Variants in EYS observed in about 807,000 individuals in gnomAD.
EYS encodes the protein EGF-like photoreceptor maintenance factor, also known as protein eyes shut homolog.
A neutral mutation model predicts 282.1 loss-of-function variants in EYS; 250 were observed. The ratio of observed to expected loss-of-function variants is 0.89; its 90% confidence interval spans 0.80 to 0.98. The LOEUF is 0.98. Ranked by LOEUF, EYS falls within the 50% of genes least tolerant of loss-of-function variation. The pLI is 0.00. For synonymous variants in EYS, 1,355 were observed against 1,282.9 expected (o/e 1.06, Z -1.20); for missense variants, 4,016 against 3,709.0 (o/e 1.08, Z -2.15).
chr6:64,297,260 C>G (rs948409261), intron 30 of EYS, among the ~76,000 whole-genome samples: 1 of 152,070 alleles, frequency 6.6e-6, no homozygotes, highest in East Asian at 1.9e-4. Flanking sequence ...TTACTCCCCA[C>G]CACCTTGAAC....
chr6:65,236,842 C>T (rs1457903524), intron 12 of EYS, among the ~76,000 whole-genome samples: 2 of 152,096 alleles, frequency 1.3e-5, no homozygotes, highest in Non-Finnish European at 1.5e-5. Context: ...TCATCTTTGC[C>T]TGATGCAAGC....
In EYS at chr6:64,274,481, G is replaced by GTT. The variant is rs10640761; in HGVS notation, c.6191+32487_6191+32488dup. Among the ~76,000 whole-genome samples, 75 of 92,224 alleles carry GTT rather than the reference G, an allele frequency of 8.1e-4. 8 individuals are homozygous for GTT. The highest frequency in any genetic ancestry group is 2.1e-3 in the South Asian group (5 of 2,352). The allele number at this position is 92,224 out of a possible 152,430, so 60.5% of individuals were successfully genotyped here. A position where few individuals can be genotyped will look rare whatever the true frequency, so the allele number is the denominator to read the frequency against. ...CAGGCGCGAGCCACCACGCCTGGCC[G>GTT]TTTTTTTTTTTTTTTTTTTTTTACA... On this transcript the variant is annotated intron_variant, in intron 30 of 42. Coordinates refer to ENST00000503581, the MANE Select transcript of EYS (RefSeq NM_001142800.2).
intron 2 of EYS, among the ~76,000 whole-genome samples, chr6:65,556,294 G>T (rs1221225713): frequency 1.3e-5 from 2 of 152,046 alleles, no homozygotes; most frequent in East Asian, 3.9e-4. Context: ...AACATAGAAA[G>T]ACCCCATTTA....
intron 14 of EYS, among the ~76,000 whole-genome samples, chr6:64,949,393 T>C (rs1356753432): frequency 6.6e-6 from 1 of 151,514 alleles, no homozygotes; most frequent in Non-Finnish European, 1.5e-5. Flanking sequence ...TCTCATTTTC[T>C]TGCTAGCTAC....
chr6:64,447,221 A>C (rs1231084521), intron 26 of EYS, among the ~76,000 whole-genome samples: 1 of 141,050 alleles, frequency 7.1e-6, no homozygotes, highest in Non-Finnish European at 1.5e-5. Flanking sequence ...TATTTCTCTA[A>C]AGAAGAGCTT....
intron 22 of EYS, among the ~76,000 whole-genome samples, chr6:64,635,402 G>C (rs1344570761): frequency 6.6e-6 from 1 of 152,148 alleles, no homozygotes; most frequent in Admixed American, 6.5e-5. Flanking sequence ...TCTTGTGCCG[G>C]TTTTCAAAGG....
At chr6:63,860,779 G>A (rs1384547934) in intron 36 of EYS, among the ~76,000 whole-genome samples, 1 of 152,184 alleles carries the variant, frequency 6.6e-6, no homozygotes, top group Non-Finnish European at 1.5e-5. Context: ...ACATCTATGG[G>A]CTGAGAGATG....
intron 12 of EYS, among the ~76,000 whole-genome samples, chr6:65,180,977 A>G (rs996755242): frequency 6.6e-6 from 1 of 152,154 alleles, no homozygotes; most frequent in African/African-American, 2.4e-5. Flanking sequence ...TATTTAATAA[A>G]TGGTGCCGGG....
intron 2 of EYS, among the ~76,000 whole-genome samples, chr6:65,517,673 A>C (rs1424823117): frequency 6.6e-6 from 1 of 152,118 alleles, no homozygotes; most frequent in Non-Finnish European, 1.5e-5. Context: ...ACACTTGGAA[A>C]TTAACATTTA....
rs1460764511 is a variant in EYS, at chr6:65,426,994, A to G, written c.863-21627T>C. On this transcript the variant is annotated intron_variant, in intron 5 of 42. Transcript: ENST00000503581. ...TATTTTCTTTTAGGTTTAATTTTGG[A>G]ATGTGTGTGTTGTATATCTGTATGT... Among the ~76,000 whole-genome samples, 8 of 151,940 alleles carry G rather than the reference A, an allele frequency of 5.3e-5. 1 individual carries two copies. Among genetic ancestry groups the G allele is most frequent in the African/African-American group, 1.9e-4 (8 of 41,404 alleles).
chr6:64,392,645 TA>T (rs900379342), intron 28 of EYS, among the ~76,000 whole-genome samples: 7 of 150,982 alleles, frequency 4.6e-5, no homozygotes, highest in Non-Finnish European at 8.8e-5. Context: ...GAGGGAAATT[TA>T]TAGCACTAAA....
At chr6:63,799,923 G>T (rs138094910) in intron 37 of EYS, among the ~76,000 whole-genome samples, 2 of 152,228 alleles carry the variant, frequency 1.3e-5, no homozygotes, top group Non-Finnish European at 2.9e-5. Context: ...ACGGTGGACT[G>T]AACGAGAGCG....
chr6:65,624,836 C>T (rs1766640957), intron 2 of EYS, among the ~76,000 whole-genome samples: 1 of 152,202 alleles, frequency 6.6e-6, no homozygotes, highest in Admixed American at 6.5e-5. Context: ...AAAGATTGCA[C>T]TGTTGGCTTC....
At chr6:64,199,532 C>CT (rs1765398322) in intron 31 of EYS, among the ~76,000 whole-genome samples, 1 of 152,138 alleles carries the variant, frequency 6.6e-6, no homozygotes, top group African/African-American at 2.4e-5. Flanking sequence ...GACTTCATGA[C>CT]TAAAACACCA....
At chr6:65,390,209 A>G (rs1031375847) in intron 7 of EYS, among the ~76,000 whole-genome samples, 8 of 151,754 alleles carry the variant, frequency 5.3e-5, no homozygotes, top group Non-Finnish European at 1.0e-4. Context: ...TTAAACAACC[A>G]AAGTGAGTGG....
intron 22 of EYS, among the ~76,000 whole-genome samples, chr6:64,676,132 G>C (rs959359010): frequency 7.0e-6 from 1 of 143,378 alleles, no homozygotes; most frequent in Non-Finnish European, 1.5e-5. Flanking sequence ...ACATGTCTAA[G>C]ACTTTCATAT....
chr6:65,490,011 A>T (rs1337142163), intron 5 of EYS: 1 of 152,318 alleles, frequency 6.6e-6, no homozygotes, highest in Non-Finnish European at 1.5e-5. Flanking sequence ...TAGCATTAGG[A>T]GAAATACCTA....
At chr6:65,300,977 CT>C (rs1473813319) in intron 11 of EYS, 1 of 152,238 alleles carries the variant, frequency 6.6e-6, no homozygotes, top group East Asian at 1.9e-4. Flanking sequence ...AGGAGTTTAA[CT>C]GTGTGCTCAT....
chr6:64,822,616 A>G, intron 20 of EYS, 35 bp downstream of exon 20: 3 of 1,454,400 alleles, frequency 2.1e-6, no homozygotes, highest in Non-Finnish European at 2.8e-6. Flanking sequence ...AGTTAAATAT[A>G]CTTTCATAAA....
Sources: allele counts gnomAD v4.1 joint callset (sites outside exome capture counted in the v4.1 genomes callset), GRCh38; gene constraint gnomAD v4.1.1; transcripts MANE v1.5; gene names NCBI Gene and HGNC (gene_info 2026-07-23, HGNC 2026-07-21).